Variants in KCNQ1 observed in about 807,000 individuals in gnomAD.
KCNQ1 encodes potassium voltage-gated channel subfamily Q member 1, also known as potassium voltage-gated channel subfamily KQT member 1.
A neutral mutation model predicts 72.4 loss-of-function variants in KCNQ1; 49 were observed. The ratio of observed to expected loss-of-function variants is 0.68; its 90% CI spans 0.54 to 0.86. The LOEUF (loss-of-function observed/expected upper bound fraction) is 0.86. KCNQ1 is among the 40% of genes least tolerant of loss of function. KCNQ1 has a pLI of 0.00. For synonymous variants in KCNQ1, 450 were observed against 412.6 expected (o/e 1.09, Z -1.10); for missense variants, 790 against 945.1 (o/e 0.84, Z 2.15).
rs910141884 is a variant in KCNQ1, at chr11:2,745,445, A to G, written c.1515-23399A>G. 2.0e-5 allele frequency among the ~76,000 whole-genome samples: 3 copies of G among 152,150 alleles called. No homozygotes were observed. Among genetic ancestry groups the G allele is most frequent in the Non-Finnish European group, 4.4e-5 (3 of 68,026 alleles). On this transcript the variant is annotated intron_variant, in intron 11 of 15. Coordinates refer to ENST00000155840, the MANE Select transcript of KCNQ1 (RefSeq NM_000218.3). This position sits in a 1 kb window ranked among gnomAD's most constrained non-coding sequence, Gnocchi z 6.2. ...TTTATTGCTGGTATAAAGAAATGCC[A>G]TTGATTTGGGGGGGTTGATCTCACA...
At chr11:2,740,035 G>A (rs532032756) in intron 11 of KCNQ1, among the ~76,000 whole-genome samples, 3 of 152,372 alleles carry the variant, frequency 2.0e-5, no homozygotes, top group East Asian at 1.9e-4. Context: ...CCTGGTCCCC[G>A]TGGCTTCACC....
chr11:2,509,777 G>T lies in KCNQ1; in HGVS notation c.387-18151G>T, dbSNP rs998341566. Among the ~76,000 whole-genome samples, 1 of 152,180 alleles carries T rather than the reference G, an allele frequency of 6.6e-6. No individual in the cohort carries two copies. The highest frequency in any genetic ancestry group is 2.4e-5 in the African/African-American group (1 of 41,434). On this transcript the variant is annotated intron_variant, in intron 1 of 15. Coordinates refer to ENST00000155840, the MANE Select transcript of KCNQ1 (RefSeq NM_000218.3). The surrounding 1 kb of genome is among the most constrained non-coding windows in gnomAD (Gnocchi z 6.3). ...CTTCCGGGGGTGGGGAGCGGGGCTGGGCGGCTGCTGGCTGAGCCAAGTGGA... is the reference window on the plus strand; with the variant it reads ...CTTCCGGGGGTGGGGAGCGGGGCTGTGCGGCTGCTGGCTGAGCCAAGTGGA...
rs1850324891 is a variant in KCNQ1 at position 2,678,090 on chromosome 11, T to G, written c.1514+16009T>G. ...TGTAAAATACCTTGTCTTACTGATT[T>G]GTAGAAACTTGCTTTGTCATATTCA... On this transcript the variant is annotated intron_variant, in intron 11 of 15. Transcript: ENST00000155840. This position sits in a 1 kb window ranked among gnomAD's most constrained non-coding sequence, Gnocchi z 4.9. 1 of 398,352 alleles carries G rather than the reference T, an allele frequency of 2.5e-6. No individual in the cohort carries two copies. The highest frequency in any genetic ancestry group is 4.4e-6 in the Non-Finnish European group (1 of 225,982). The allele number at this position is 398,352 out of a possible 1,614,324, so 24.7% of individuals were successfully genotyped here.
At chr11:2,500,989 T>C (rs1847001115) in intron 1 of KCNQ1, among the ~76,000 whole-genome samples, 1 of 152,160 alleles carries the variant, frequency 6.6e-6, no homozygotes, top group South Asian at 2.1e-4. Flanking sequence ...AAACTGCATG[T>C]TCTGCACATG....
intron 15 of KCNQ1, among the ~76,000 whole-genome samples, chr11:2,825,159 G>T (rs1222000332): frequency 2.0e-5 from 3 of 151,414 alleles, no homozygotes; most frequent in Non-Finnish European, 2.9e-5. Context: ...AACATGGGAG[G>T]TGCCGTTTCC....
At position 2,734,044 on chromosome 11, in the gene KCNQ1, C is replaced by A. The variant is rs1329594459; in HGVS notation, c.1515-34800C>A. Among the ~76,000 whole-genome samples the A allele has an allele frequency of 6.6e-6, 1 of 152,076 alleles. No individual in the cohort carries two copies. Among genetic ancestry groups the A allele is most frequent in the African/African-American group, 2.4e-5 (1 of 41,398 alleles). ...TCTAAATCAGGACCACCTTGCGGTT[C>A]TCCCAGCCCCAGCCTTGCCTTTCTA... is the stretch of plus-strand genomic sequence containing the variant. On this transcript the variant is annotated intron_variant, in intron 11 of 15. Transcript: ENST00000155840. The surrounding 1 kb of genome is among the most constrained non-coding windows in gnomAD (Gnocchi z 7.0).
chr11:2,659,046 ATTTG>A lies in KCNQ1; in HGVS notation c.1394-2909_1394-2906del. ...CCTCCTTTCCTTTCACTGCTATGTC[ATTTG>A]TTTGTAACACGCTCATCATAGTCTG... On this transcript the variant is annotated intron_variant, in intron 10 of 15. Transcript: ENST00000155840. The surrounding 1 kb of genome is among the most constrained non-coding windows in gnomAD (Gnocchi z 4.3). The A allele has an allele frequency of 5.0e-6, 2 of 398,518 alleles. No individual in the cohort carries two copies. Among genetic ancestry groups the A allele is most frequent in the Non-Finnish European group, 8.8e-6 (2 of 226,048 alleles). 24.7% of individuals were successfully genotyped at this position (398,518 alleles called of 1,614,324 possible).
chr11:2,469,068 C>T (rs1470581311), intron 1 of KCNQ1, among the ~76,000 whole-genome samples: 1 of 152,150 alleles, frequency 6.6e-6, no homozygotes, highest in African/African-American at 2.4e-5. Context: ...GTCTCCTTGT[C>T]AACACTTGGT....
rs142369223 is a variant in KCNQ1, at chr11:2,710,842, A to G, written c.1514+48761A>G. On this transcript the variant is annotated intron_variant, in intron 11 of 15. Coordinates refer to ENST00000155840, the MANE Select transcript of KCNQ1 (RefSeq NM_000218.3). This position sits in a 1 kb window ranked among gnomAD's most constrained non-coding sequence, Gnocchi z 4.1. ...TTTTATTCTATTGATTTGTTTGTCT[A>G]TCCTTATGCCAGTACTATATCGTCT... 1.1e-3 allele frequency among the ~76,000 whole-genome samples: 173 copies of G among 152,334 alleles called. No homozygotes were observed. The highest frequency in any genetic ancestry group is 3.9e-3 in the African/African-American group (164 of 41,572).
Position 2,516,102 on chromosome 11 carries a change from C to T in KCNQ1, c.387-11826C>T, listed in dbSNP as rs979306784. On this transcript the variant is annotated intron_variant, in intron 1 of 15. Transcript: ENST00000155840. The surrounding 1 kb of genome is among the most constrained non-coding windows in gnomAD (Gnocchi z 7.0). ...CAGGCTGCCTGGATGCCCACCACTC[C>T]AGGCTTACTTCTGGGTTGTAGTTTT... is the stretch of plus-strand genomic sequence containing the variant. Among the ~76,000 whole-genome samples, 1 of 152,218 alleles carries T rather than the reference C, an allele frequency of 6.6e-6. No individual in the cohort carries two copies. Among genetic ancestry groups the T allele is most frequent in the African/African-American group, 2.4e-5 (1 of 41,540 alleles).
chr11:2,645,623 C>G lies in KCNQ1; in HGVS notation c.1394-16338C>G, dbSNP rs959159404. 4 of 398,586 alleles carry G rather than the reference C, an allele frequency of 1.0e-5. No homozygotes were observed. The highest frequency in any genetic ancestry group is 8.2e-5 in the African/African-American group (4 of 48,624). The allele number at this position is 398,586 out of a possible 1,614,324, so 24.7% of individuals were successfully genotyped here. ...CCCAGGTGGTGACTATGGGCAGGGT[C>G]ACCTTTCCTCATGGCAGCCTTGCTT... On this transcript the variant is annotated intron_variant, in intron 10 of 15. Coordinates refer to ENST00000155840, the MANE Select transcript of KCNQ1 (RefSeq NM_000218.3). The surrounding 1 kb of genome is among the most constrained non-coding windows in gnomAD (Gnocchi z 5.8).
rs1292080598 is a variant in KCNQ1 at position 2,642,614 on chromosome 11, G to T, written c.1394-19347G>T. On this transcript the variant is annotated intron_variant, in intron 10 of 15. Transcript: ENST00000155840. The surrounding 1 kb of genome is among the most constrained non-coding windows in gnomAD (Gnocchi z 4.3). The stretch of plus-strand genomic sequence containing the variant: ...GTTATTTTGTTTCTTTTCAAAAACC[G>T]ATTTTGCATTTCATTGATCCTTTAT... 2.5e-6 allele frequency: 1 copy of T among 397,550 alleles called. No homozygotes were observed. The allele number at this position is 397,550 out of a possible 1,614,324, so 24.6% of individuals were successfully genotyped here.
At chr11:2,470,002 G>A (rs1424029607) in intron 1 of KCNQ1, among the ~76,000 whole-genome samples, 4 of 151,788 alleles carry the variant, frequency 2.6e-5, no homozygotes, top group Non-Finnish European at 4.4e-5. Flanking sequence ...TCACTCTGTC[G>A]CCCAGGTTGA....
At position 2,827,868 on chromosome 11, in the gene KCNQ1, C is replaced by A. The variant is rs966239339; in HGVS notation, c.1795-19899C>A. 6.6e-6 allele frequency among the ~76,000 whole-genome samples: 1 copy of A among 152,122 alleles called. No homozygotes were observed. Among genetic ancestry groups the A allele is most frequent in the South Asian group, 2.1e-4 (1 of 4,834 alleles). ...AGGGGCGGGCAGAAGGCAGCGAGAG[C>A]TTTGTTTGGGGTGTGTCGAATTCAA... On this transcript the variant is annotated intron_variant, in intron 15 of 15. Coordinates refer to ENST00000155840, the MANE Select transcript of KCNQ1 (RefSeq NM_000218.3). This position sits in a 1 kb window ranked among gnomAD's most constrained non-coding sequence, Gnocchi z 6.7.
At chr11:2,751,830 G>C (rs1413771812) in intron 11 of KCNQ1, among the ~76,000 whole-genome samples, 1 of 152,270 alleles carries the variant, frequency 6.6e-6, no homozygotes, top group Non-Finnish European at 1.5e-5. Flanking sequence ...CACTGGCTCA[G>C]GGTGAGGGCA....
chr11:2,622,878 C>T, intron 10 of KCNQ1: 1 of 398,634 alleles, frequency 2.5e-6, no homozygotes, highest in Non-Finnish European at 4.4e-6. Context: ...TCTGCATTTA[C>T]ACATTATTAT....
intron 2 of KCNQ1, among the ~76,000 whole-genome samples, chr11:2,532,468 G>A (rs914193077): frequency 6.6e-6 from 1 of 152,244 alleles, no homozygotes; most frequent in Non-Finnish European, 1.5e-5. Flanking sequence ...GGATTTGAGG[G>A]TCCAGCTGTC....
chr11:2,795,975 C>T (rs1847120879), intron 15 of KCNQ1, among the ~76,000 whole-genome samples: 1 of 151,874 alleles, frequency 6.6e-6, no homozygotes. Context: ...CTGCCCCACT[C>T]ACACAGGGAC....
chr11:2,746,341 C>T lies in KCNQ1; in HGVS notation c.1515-22503C>T, dbSNP rs963869850. On this transcript the variant is annotated intron_variant, in intron 11 of 15. Transcript: ENST00000155840. This position sits in a 1 kb window ranked among gnomAD's most constrained non-coding sequence, Gnocchi z 5.9. ...ATCTCACATTAGTATGCATTTGTCACAAGGAAACAACAGTGCTACATGACT... is the reference window on the plus strand; with the variant it reads ...ATCTCACATTAGTATGCATTTGTCATAAGGAAACAACAGTGCTACATGACT... 6.6e-6 allele frequency among the ~76,000 whole-genome samples: 1 copy of T among 152,226 alleles called. No individual in the cohort carries two copies. The highest frequency in any genetic ancestry group is 1.5e-5 in the Non-Finnish European group (1 of 68,044).
Sources: allele counts gnomAD v4.1 joint callset (sites outside exome capture counted in the v4.1 genomes callset), GRCh38; gene constraint gnomAD v4.1.1; non-coding constraint Gnocchi (gnomAD v3.1); transcripts MANE v1.5; gene names NCBI Gene and HGNC (gene_info 2026-07-23, HGNC 2026-07-21).